Variants in DIS3L2 observed in about 807,000 individuals in gnomAD.
DIS3L2 encodes DIS3 like 3'-5' exoribonuclease 2, also known as DIS3-like exonuclease 2.
Under a neutral mutation model 97.5 loss-of-function variants are expected in DIS3L2, and 34 were observed. That is an observed-to-expected ratio of 0.35 (90% CI 0.27 to 0.46). The LOEUF is 0.46. Among genes scored for constraint, DIS3L2 ranks in the 20% least tolerant of loss-of-function variants. The pLI is 1.00. For missense variants in DIS3L2, 1,038 were observed against 1,146.0 expected (o/e 0.91, Z 1.36); for synonymous variants, 435 against 445.2 (o/e 0.98, Z 0.29).
At chr2:232,340,885 A>G (rs1251698621), downstream of DIS3L2, 1 of 471,264 alleles carries the variant, frequency 2.1e-6, no homozygotes, top group South Asian at 1.5e-5. Context: ...GTGGAGGAAA[A>G]CTTCATGAAA....
chr2:231,996,010 G>C (rs1693720441), intron 1 of DIS3L2, among the ~76,000 whole-genome samples: 1 of 152,230 alleles, frequency 6.6e-6, no homozygotes, highest in African/African-American at 2.4e-5. Context: ...AGAAGCATGG[G>C]CATCTTTAGT....
intron 14 of DIS3L2, 28 bp from the exon 15 acceptor site, chr2:232,329,785 T>TCCCCGGGGGGGGGGCCCCCC: frequency 6.2e-6 from 6 of 967,124 alleles, no homozygotes; most frequent in African/African-American, 1.7e-5. Context: ...ACCCCAGCGG[T>TCCCCGGGGGGGGGGCCCCCC]CCCTCCCATC....
intron 1 of DIS3L2, among the ~76,000 whole-genome samples, chr2:231,981,169 C>G (rs1693245288): frequency 6.6e-6 from 1 of 152,006 alleles, no homozygotes. Context: ...GTCTTGAAAT[C>G]CTGACCTCAA....
intron 10 of DIS3L2, among the ~76,000 whole-genome samples, chr2:232,233,520 G>C (rs992460518): frequency 2.4e-4 from 37 of 152,180 alleles, no homozygotes; most frequent in African/African-American, 8.7e-4. Context: ...GGGGAGACTG[G>C]GGGGAGCAAA....
chr2:232,015,809 C>A, intron 3 of DIS3L2, 138 bp downstream of exon 3: 2 of 905,088 alleles, frequency 2.2e-6, no homozygotes, highest in South Asian at 2.0e-5. Context: ...GATGGCATAA[C>A]AGAGATGATG....
At chr2:232,084,799 C>CAA (rs55977523) in intron 5 of DIS3L2, among the ~76,000 whole-genome samples, 238 of 145,532 alleles carry the variant, frequency 1.6e-3, no homozygotes, top group African/African-American at 3.3e-3. Flanking sequence ...CAGTTTTGCT[C>CAA]AAAAAAAAAA....
intron 1 of DIS3L2, among the ~76,000 whole-genome samples, chr2:231,975,538 TA>T (rs1010385333): frequency 6.0e-5 from 9 of 151,184 alleles, no homozygotes; most frequent in Non-Finnish European, 1.5e-5. Flanking sequence ...CCATCTCTAC[TA>T]AAAAAATGCA....
At chr2:232,129,903 A>G (rs1470197364) in intron 6 of DIS3L2, among the ~76,000 whole-genome samples, 1 of 152,168 alleles carries the variant, frequency 6.6e-6, no homozygotes, top group Non-Finnish European at 1.5e-5. Flanking sequence ...AAAATTTTAA[A>G]TGTTTAGAAG....
chr2:232,122,723 C>CA (rs140654519), intron 6 of DIS3L2, among the ~76,000 whole-genome samples: 6 of 151,638 alleles, frequency 4.0e-5, no homozygotes, highest in African/African-American at 1.5e-4. Flanking sequence ...ATCTCAAAAA[C>CA]AAAAAACAAA....
intron 1 of DIS3L2, among the ~76,000 whole-genome samples, chr2:231,979,226 C>G (rs1693180343): frequency 6.6e-6 from 1 of 151,842 alleles, no homozygotes; most frequent in Non-Finnish European, 1.5e-5. Flanking sequence ...AAGCCACCTA[C>G]AGTTTATTTT....
chr2:231,969,309 C>CTTTT (rs149580697), intron 1 of DIS3L2, among the ~76,000 whole-genome samples: 2 of 137,082 alleles, frequency 1.5e-5, no homozygotes, highest in African/African-American at 2.7e-5. Context: ...AGTCCTAGAC[C>CTTTT]TTTTTTTTTT....
intron 11 of DIS3L2, among the ~76,000 whole-genome samples, chr2:232,243,163 C>T (rs926487789): frequency 2.0e-5 from 3 of 152,084 alleles, no homozygotes; most frequent in Non-Finnish European, 2.9e-5. Flanking sequence ...ACAAAGCAAT[C>T]GTGTTTTGAA....
chr2:231,973,160 T>C (rs2106166870), intron 1 of DIS3L2, among the ~76,000 whole-genome samples: 1 of 152,344 alleles, frequency 6.6e-6, no homozygotes, highest in East Asian at 1.9e-4. Flanking sequence ...GTTTTCTTTG[T>C]AGAAAAGTTT....
intron 1 of DIS3L2, among the ~76,000 whole-genome samples, chr2:231,966,160 T>G (rs1692705282): frequency 7.2e-6 from 1 of 139,144 alleles, no homozygotes; most frequent in Admixed American, 6.9e-5. Context: ...ACCAGAATTC[T>G]TCTTCTTCTT....
chr2:232,055,927 G>A (rs531527034), intron 5 of DIS3L2, among the ~76,000 whole-genome samples: 238 of 152,296 alleles, frequency 1.6e-3, no homozygotes, highest in African/African-American at 5.4e-3. Flanking sequence ...GGAGAAAAAG[G>A]ATGTTGACCT....
At chr2:232,159,490 G>A (rs1051493428) in intron 8 of DIS3L2, among the ~76,000 whole-genome samples, 2 of 152,172 alleles carry the variant, frequency 1.3e-5, no homozygotes, top group African/African-American at 4.8e-5. Flanking sequence ...GTGAGAGGAG[G>A]CTTGTATAAA....
At chr2:232,103,539 T>C (rs992275666) in intron 6 of DIS3L2, among the ~76,000 whole-genome samples, 1 of 152,234 alleles carries the variant, frequency 6.6e-6, no homozygotes, top group Admixed American at 6.5e-5. Flanking sequence ...CATCTGACCA[T>C]GACCTTCATT....
At chr2:232,343,654 G>T in exon 14 of DIS3L2, 1 of 1,455,724 alleles carries the variant, frequency 6.9e-7, no homozygotes, top group South Asian at 1.3e-5. Context: ...GAAAAGGCCA[G>T]ACTTCTAAAA....
chr2:232,181,248 T>C (rs1691257657), intron 9 of DIS3L2, among the ~76,000 whole-genome samples: 1 of 151,790 alleles, frequency 6.6e-6, no homozygotes, highest in Admixed American at 6.6e-5. Flanking sequence ...CTTAACATTT[T>C]TTCCTTCATT....
Sources: gnomAD v4.1 joint callset for allele counts (sites outside exome capture counted in the v4.1 genomes callset) on GRCh38, gnomAD v4.1.1 for gene constraint, MANE v1.5 for transcripts, NCBI Gene and HGNC (gene_info 2026-07-23, HGNC 2026-07-21) for gene names.